ADAMTS12: variants seen among roughly 807,000 people sequenced by gnomAD.
The protein encoded by ADAMTS12 is A disintegrin and metalloproteinase with thrombospondin motifs 12.
In ADAMTS12, 118 loss-of-function variants were observed where a neutral mutation model predicts 167.8. The observed-to-expected ratio is 0.70, with a 90% CI of 0.61 to 0.82. The LOEUF is 0.82. ADAMTS12 is among the 40% of genes least tolerant of loss of function. The pLI is 0.00. For synonymous variants in ADAMTS12, 704 were observed against 716.9 expected, an observed-to-expected ratio of 0.98 and a Z score of 0.29; for missense variants, 1,916 against 1,998.8, an observed-to-expected ratio of 0.96 and a Z score of 0.79.
intron 2 of ADAMTS12, among the ~76,000 whole-genome samples, chr5:33,828,063 TG>T (rs993805629): frequency 6.6e-6 from 1 of 152,192 alleles, no homozygotes; most frequent in Non-Finnish European, 1.5e-5. Flanking sequence ...AGGAATGGGA[TG>T]GTTGGGTCAC....
chr5:33,742,952 T>C (rs987632482), intron 3 of ADAMTS12, among the ~76,000 whole-genome samples: 3 of 152,164 alleles, frequency 2.0e-5, no homozygotes, highest in Admixed American at 6.5e-5. Context: ...TGACAAGTGC[T>C]GTGAAAAAAT....
intron 3 of ADAMTS12, among the ~76,000 whole-genome samples, chr5:33,686,649 G>A (rs1434012996): frequency 1.3e-5 from 2 of 151,694 alleles, no homozygotes; most frequent in Non-Finnish European, 2.9e-5. Flanking sequence ...TGACAGTGGA[G>A]CCCCCATCAT....
chr5:33,777,134 G>A (rs1009492089), intron 2 of ADAMTS12, among the ~76,000 whole-genome samples: 3 of 151,986 alleles, frequency 2.0e-5, no homozygotes, highest in Non-Finnish European at 4.4e-5. Flanking sequence ...CAAACTCTTC[G>A]AAAATATTGA....
chr5:33,757,047 G>C (rs980751890), intron 2 of ADAMTS12, among the ~76,000 whole-genome samples: 1 of 152,068 alleles, frequency 6.6e-6, no homozygotes, highest in African/African-American at 2.4e-5. Flanking sequence ...TCCAATATTG[G>C]ACAGCTTATT....
At chr5:33,769,581 C>T (rs1250078504) in intron 2 of ADAMTS12, among the ~76,000 whole-genome samples, 1 of 152,172 alleles carries the variant, frequency 6.6e-6, no homozygotes, top group Non-Finnish European at 1.5e-5. Context: ...ATCTCAGCCC[C>T]AAGAGTTGCC....
chr5:33,542,457 G>C (rs1325534917), intron 22 of ADAMTS12, among the ~76,000 whole-genome samples: 1 of 152,168 alleles, frequency 6.6e-6, no homozygotes, highest in Non-Finnish European at 1.5e-5. Context: ...AGATCAAGGA[G>C]ACAGAAGGTT....
At chr5:33,628,647 A>G (rs1296919472) in intron 13 of ADAMTS12, among the ~76,000 whole-genome samples, 4 of 152,220 alleles carry the variant, frequency 2.6e-5, no homozygotes, top group African/African-American at 7.2e-5. Flanking sequence ...GAAAGCATAT[A>G]CTTTTATGTA....
In ADAMTS12 at chr5:33,549,271, G is replaced by C; in HGVS notation, c.4238C>G (p.Pro1413Arg). Reference protein sequence around the residue: ...FHCQFLAGIPPPLSMSCNPEP... With the variant: ...FHCQFLAGIPRPLSMSCNPEP... ...CGGGTTACAGCTCATGCTCAATGGG[G>C]GAGGAATGCCGGCCAGGAACTGGCA... Residue 1413 changes from proline to arginine, a missense_variant, in exon 21 of 24, where the codon CCC (proline) becomes CGC (arginine). Physicochemically the swap from Pro to Arg is moderately radical, Grantham distance 103. Coordinates refer to ENST00000504830, the MANE Select transcript of ADAMTS12 (RefSeq NM_030955.4). The C allele has an allele frequency of 6.2e-7, 1 of 1,614,202 alleles. No individual in the cohort carries two copies. Among genetic ancestry groups the C allele is most frequent in the Non-Finnish European group, 8.5e-7 (1 of 1,180,028 alleles).
intron 3 of ADAMTS12, among the ~76,000 whole-genome samples, chr5:33,710,622 A>G (rs1412198403): frequency 6.6e-6 from 1 of 152,196 alleles, no homozygotes; most frequent in Non-Finnish European, 1.5e-5. Context: ...AAGACCTACG[A>G]CAAACAAGTA....
At chr5:33,682,513 T>C (rs1469165826) in intron 5 of ADAMTS12, among the ~76,000 whole-genome samples, 4 of 152,174 alleles carry the variant, frequency 2.6e-5, no homozygotes, top group African/African-American at 9.7e-5. Flanking sequence ...AAGTCTTATA[T>C]ATTAAGACTT....
intron 19 of ADAMTS12, among the ~76,000 whole-genome samples, chr5:33,562,533 GGTGGAA>G (rs749548046): frequency 2.6e-5 from 4 of 151,968 alleles, no homozygotes; most frequent in Admixed American, 6.6e-5. Context: ...AAAAAGACAG[GGTGGAA>G]GTTCCATCTA....
intron 3 of ADAMTS12, among the ~76,000 whole-genome samples, chr5:33,733,117 T>A (rs1235703521): frequency 6.6e-6 from 1 of 151,990 alleles, no homozygotes; most frequent in African/African-American, 2.4e-5. Flanking sequence ...ATAGTGGCTA[T>A]TTTTGGTTGT....
chr5:33,766,830 C>T (rs1265668136), intron 2 of ADAMTS12, among the ~76,000 whole-genome samples: 1 of 152,068 alleles, frequency 6.6e-6, no homozygotes, highest in East Asian at 1.9e-4. Context: ...GTCATCATAC[C>T]GTGGTCAAAC....
intron 2 of ADAMTS12, among the ~76,000 whole-genome samples, chr5:33,787,604 T>C (rs1388570397): frequency 6.6e-6 from 1 of 152,212 alleles, no homozygotes; most frequent in African/African-American, 2.4e-5. Flanking sequence ...GGGAGCCACA[T>C]GCTGGCACAG....
At chr5:33,582,235 G>C (rs1267227973) in intron 18 of ADAMTS12, among the ~76,000 whole-genome samples, 1 of 152,178 alleles carries the variant, frequency 6.6e-6, no homozygotes, top group Non-Finnish European at 1.5e-5. Flanking sequence ...GCAAACAGAG[G>C]TGCCCATATC....
At chr5:33,599,717 A>G (rs1279719083) in intron 16 of ADAMTS12, among the ~76,000 whole-genome samples, 2 of 152,178 alleles carry the variant, frequency 1.3e-5, no homozygotes, top group Non-Finnish European at 2.9e-5. Flanking sequence ...CCTAACTGGT[A>G]ATTTCTCCTT....
At chr5:33,836,872 G>GC (rs1006451982) in intron 2 of ADAMTS12, among the ~76,000 whole-genome samples, 8 of 152,294 alleles carry the variant, frequency 5.3e-5, no homozygotes, top group Admixed American at 4.6e-4. Context: ...GTCAGAGGCT[G>GC]CAGAGAGAGG....
At chr5:33,619,668 C>CATGT (rs201768916) in intron 14 of ADAMTS12, among the ~76,000 whole-genome samples, 2,450 of 151,978 alleles carry the variant, frequency 0.016, 58 homozygotes, top group African/African-American at 0.057. Context: ...TGTATGTATG[C>CATGT]ATGTATGTAT....
At chr5:33,551,690 T>C (rs1745258337) in intron 20 of ADAMTS12, among the ~76,000 whole-genome samples, 1 of 152,258 alleles carries the variant, frequency 6.6e-6, no homozygotes, top group East Asian at 1.9e-4. Flanking sequence ...ATTACTCTTT[T>C]GTCAAGAGCA....
Sources: allele counts gnomAD v4.1 joint callset (sites outside exome capture counted in the v4.1 genomes callset), GRCh38; gene constraint gnomAD v4.1.1; transcripts MANE v1.5; gene names NCBI Gene and HGNC (gene_info 2026-07-23, HGNC 2026-07-21).